DNAJC13: variants seen among roughly 807,000 people sequenced by gnomAD.
The protein encoded by DNAJC13 is dnaJ homolog subfamily C member 13.
Under a neutral mutation model 290.5 loss-of-function variants are expected in DNAJC13, and 75 were observed. The ratio of observed to expected loss-of-function variants is 0.26; its 90% CI spans 0.21 to 0.31. The LOEUF is 0.31. DNAJC13 is among the 10% of genes least tolerant of loss of function. The pLI, the probability that DNAJC13 is intolerant of heterozygous loss-of-function variation, is 1.00. For synonymous variants in DNAJC13, 862 were observed against 892.0 expected, an observed-to-expected ratio of 0.97 and a Z score of 0.60; for missense variants, 2,260 against 2,674.5, an observed-to-expected ratio of 0.85 and a Z score of 3.42.
rs770972630 is a variant in DNAJC13, at chr3:132,477,993, C to T, written c.2562C>T (p.Phe854=). 2 of 1,600,422 alleles carry T rather than the reference C, an allele frequency of 1.2e-6. No homozygotes were observed. Among genetic ancestry groups the T allele is most frequent in the South Asian group, 2.3e-5 (2 of 87,324 alleles). Reference sequence around the variant, plus strand: ...TTTTAAAATCTAGGTATGAATTTTTCAATGAGCTTTATCATCGCTTCTTGC... The same window carrying T: ...TTTTAAAATCTAGGTATGAATTTTTTAATGAGCTTTATCATCGCTTCTTGC... ...SGSIKRSYEF[F]NELYHRFLLT... is the part of the protein sequence containing the mutation. The change falls in exon 24 of 56, where the codon TTC becomes TTT. Residue 854 remains phenylalanine (F), a synonymous_variant. Coordinates refer to ENST00000260818, the MANE Select transcript of DNAJC13 (RefSeq NM_015268.4).
chr3:132,523,931 A>G (rs1458678494), intron 51 of DNAJC13: 1 of 464,870 alleles, frequency 2.2e-6, no homozygotes, highest in Non-Finnish European at 3.8e-6. Context: ...TTATAGAGAT[A>G]TCTATATTGA....
At chr3:132,510,369 T>C (rs1161104605) in intron 43 of DNAJC13, among the ~76,000 whole-genome samples, 2 of 152,120 alleles carry the variant, frequency 1.3e-5, no homozygotes, top group African/African-American at 2.4e-5. Context: ...GGGGATCATA[T>C]AGGGAGTTTT....
chr3:132,432,284 C>CGCA (rs960755656), intron 1 of DNAJC13, among the ~76,000 whole-genome samples: 1 of 151,978 alleles, frequency 6.6e-6, no homozygotes, highest in Non-Finnish European at 1.5e-5. Flanking sequence ...CTCACTGCAA[C>CGCA]CTCCACCTCC....
intron 55 of DNAJC13, chr3:132,537,126 C>T (rs975939240): frequency 2.2e-5 from 10 of 456,164 alleles, no homozygotes; most frequent in African/African-American, 2.0e-4. Context: ...TCACAACTTC[C>T]CTTGCTGCTT....
chr3:132,472,547 TTAAA>T (rs1405148754), intron 20 of DNAJC13: 1 of 985,264 alleles, frequency 1.0e-6, no homozygotes, highest in Non-Finnish European at 1.2e-6. Flanking sequence ...CTTTTTACGA[TTAAA>T]TTCAGGACAA....
chr3:132,463,271 T>A (rs1412571359), intron 16 of DNAJC13, among the ~76,000 whole-genome samples: 1 of 152,214 alleles, frequency 6.6e-6, no homozygotes, highest in Non-Finnish European at 1.5e-5. Flanking sequence ...AACATCAAAG[T>A]TTATTTGCAT....
At chr3:132,495,488 G>T (rs899672231) in intron 35 of DNAJC13, among the ~76,000 whole-genome samples, 2 of 152,078 alleles carry the variant, frequency 1.3e-5, no homozygotes, top group Non-Finnish European at 2.9e-5. Flanking sequence ...TCATTTGTAG[G>T]TTTTAGGTGA....
chr3:132,534,285 T>A (rs1936522063), intron 55 of DNAJC13, among the ~76,000 whole-genome samples: 1 of 152,196 alleles, frequency 6.6e-6, no homozygotes, highest in African/African-American at 2.4e-5. Flanking sequence ...TCTGAGCATG[T>A]TATCAATCTG....
At chr3:132,509,778 T>C (rs921534057) in intron 43 of DNAJC13, among the ~76,000 whole-genome samples, 1 of 152,218 alleles carries the variant, frequency 6.6e-6, no homozygotes, top group East Asian at 1.9e-4. Context: ...CTCAGATGAT[T>C]GTTAGCATTT....
intron 26 of DNAJC13, 96 bp from the exon 27 acceptor site, chr3:132,482,130 A>C (rs1174942414): frequency 4.0e-5 from 36 of 909,230 alleles, no homozygotes; most frequent in Non-Finnish European, 5.9e-5. Flanking sequence ...AAGGGATATA[A>C]ACCCCTCCAA....
intron 20 of DNAJC13, among the ~76,000 whole-genome samples, chr3:132,472,173 C>T (rs1176630173): frequency 6.6e-6 from 1 of 151,828 alleles, no homozygotes; most frequent in Non-Finnish European, 1.5e-5. Flanking sequence ...TGCAGTGAGC[C>T]GAGATGGCAG....
chr3:132,496,580 C>T lies in DNAJC13; in HGVS notation c.4073C>T (p.Ala1358Val), dbSNP rs1012855635. 2.5e-6 allele frequency: 4 copies of T among 1,609,454 alleles called. No homozygotes were observed. The highest frequency in any genetic ancestry group is 3.4e-6 in the Non-Finnish European group (4 of 1,177,386). The change falls in exon 36 of 56, where the codon GCA becomes GTA. Residue 1358 changes from alanine to valine, a missense_variant. By Grantham distance (64) the Ala-to-Val change is moderately conservative. Transcript: ENST00000260818. Reference sequence around the variant, plus strand: ...TATGAATTTTTATGTACCAAATCAGCAAAAATAGTGGATGGGCCAGATCCA... The same window carrying T: ...TATGAATTTTTATGTACCAAATCAGTAAAAATAGTGGATGGGCCAGATCCA... Reference protein sequence around the residue: ...KAYEFLCTKSAKIVDGPDPEN... With the variant: ...KAYEFLCTKSVKIVDGPDPEN...
intron 48 of DNAJC13, among the ~76,000 whole-genome samples, chr3:132,517,495 G>C (rs1484008184): frequency 6.6e-6 from 1 of 152,136 alleles, no homozygotes; most frequent in African/African-American, 2.4e-5. Flanking sequence ...CAGCCCCTTA[G>C]TCATAGGGAG....
intron 13 of DNAJC13, among the ~76,000 whole-genome samples, chr3:132,459,403 T>C (rs6799287): frequency 0.017 from 2,551 of 152,292 alleles, 72 homozygotes; most frequent in African/African-American, 0.058. Context: ...AGAATGGTGG[T>C]TGCCAGGGGC....
intron 22 of DNAJC13, 22 bp downstream of exon 22, chr3:132,475,107 A>T (rs200590676): frequency 4.5e-5 from 69 of 1,530,396 alleles, no homozygotes; most frequent in Non-Finnish European, 5.5e-5. Flanking sequence ...TTTTTCCAGT[A>T]TATTAATCTT....
chr3:132,419,280 A>G lies in DNAJC13; in HGVS notation c.-14+1520A>G, dbSNP rs957798879. Among the ~76,000 whole-genome samples the G allele has an allele frequency of 5.3e-5, 8 of 152,242 alleles. No individual in the cohort carries two copies. The East Asian group carries it at 1.5e-3, about 29-fold the overall frequency. ...TGGAAAATATCAGCATTTGTATTCC[A>G]CTGAGAGGCAATGAATATTCCTCTT... On this transcript the variant is annotated intron_variant, in intron 1 of 55. Coordinates refer to ENST00000260818, the MANE Select transcript of DNAJC13 (RefSeq NM_015268.4).
At chr3:132,439,522 T>C (rs1932980374) in intron 2 of DNAJC13, among the ~76,000 whole-genome samples, 3 of 152,094 alleles carry the variant, frequency 2.0e-5, no homozygotes, top group Non-Finnish European at 4.4e-5. Context: ...GTGTTTTCTT[T>C]GTCTAATTTT....
At chr3:132,537,754 TTGAG>T (rs369928748) in intron 55 of DNAJC13, among the ~76,000 whole-genome samples, 32 of 152,346 alleles carry the variant, frequency 2.1e-4, no homozygotes, top group Middle Eastern at 3.4e-3. Flanking sequence ...ATAGGTTAGT[TTGAG>T]TGTTGACAGA....
intron 9 of DNAJC13, among the ~76,000 whole-genome samples, chr3:132,455,594 C>G (rs1306130509): frequency 1.3e-5 from 2 of 151,956 alleles, no homozygotes; most frequent in East Asian, 3.8e-4. Context: ...CTAGATCAGC[C>G]AGTGAATAAA....
Sources: allele counts gnomAD v4.1 joint callset (sites outside exome capture counted in the v4.1 genomes callset), GRCh38; gene constraint gnomAD v4.1.1; transcripts MANE v1.5; gene names NCBI Gene and HGNC (gene_info 2026-07-23, HGNC 2026-07-21).